PUM1: variants seen among roughly 807,000 people sequenced by gnomAD.
The protein encoded by PUM1 is pumilio homolog 1.
A neutral mutation model predicts 131.8 loss-of-function variants in PUM1; 13 were observed. The observed-to-expected ratio is 0.10, with a 90% confidence interval of 0.06 to 0.16. The LOEUF (loss-of-function observed/expected upper bound fraction) is 0.16, where lower values mean the gene tolerates loss of function less well. Among genes scored for constraint, PUM1 ranks in the 10% least tolerant of loss-of-function variants. The probability of loss-of-function intolerance (pLI) is 1.00; values close to 1 mark genes in which losing one functional copy is unlikely to be tolerated. For missense variants in PUM1, 961 were observed against 1,512.4 expected (o/e 0.64, Z 6.05); for synonymous variants, 509 against 556.5 (o/e 0.91, Z 1.20).
intron 1 of PUM1, among the ~76,000 whole-genome samples, chr1:31,064,977 A>C (rs1644452276): frequency 1.3e-5 from 2 of 152,174 alleles, no homozygotes; most frequent in Non-Finnish European, 1.5e-5. Flanking sequence ...AGGCTCAAAA[A>C]GGAAGAACCC....
chr1:30,955,002 G>A (rs971766209), intron 14 of PUM1, among the ~76,000 whole-genome samples: 4 of 151,706 alleles, frequency 2.6e-5, no homozygotes, highest in East Asian at 1.9e-4. Flanking sequence ...CCAGTAGGTC[G>A]AGGCTGCAGT....
chr1:31,052,309 G>A (rs763025818), intron 2 of PUM1, among the ~76,000 whole-genome samples: 6 of 152,152 alleles, frequency 3.9e-5, no homozygotes, highest in Non-Finnish European at 7.3e-5. Context: ...ACCGTGCCCA[G>A]CCCAAAATGA....
At chr1:31,039,140 G>A (rs761423216) in intron 2 of PUM1, among the ~76,000 whole-genome samples, 67 of 148,754 alleles carry the variant, frequency 4.5e-4, no homozygotes, top group Admixed American at 8.0e-4. Context: ...GGGACTACAC[G>A]TGTATGTCAC....
chr1:31,041,415 G>A (rs935008625), intron 2 of PUM1, among the ~76,000 whole-genome samples: 2 of 151,806 alleles, frequency 1.3e-5, no homozygotes, highest in East Asian at 1.9e-4. Flanking sequence ...GCTATCCTCT[G>A]GGGGGCGGGG....
intron 17 of PUM1, 56 bp downstream of exon 17, chr1:30,950,071 A>T (rs1570109554): frequency 1.3e-6 from 2 of 1,572,668 alleles, no homozygotes; most frequent in East Asian, 4.5e-5. Flanking sequence ...AGGGTTCACT[A>T]CATGTACCAT....
At chr1:30,946,694 CAATA>C (rs1028806012) in intron 17 of PUM1, among the ~76,000 whole-genome samples, 5 of 144,496 alleles carry the variant, frequency 3.5e-5, no homozygotes, top group Admixed American at 6.9e-5. Flanking sequence ...ATAATAAAAA[CAATA>C]AAAAAGATTC....
intron 5 of PUM1, among the ~76,000 whole-genome samples, chr1:31,005,240 G>A (rs1189978490): frequency 6.6e-6 from 1 of 152,174 alleles, no homozygotes; most frequent in East Asian, 1.9e-4. Flanking sequence ...AGACTTATTT[G>A]ACTTCAGTTT....
chr1:30,943,086 A>G lies in PUM1; in HGVS notation c.2995-963T>C, dbSNP rs114562458. On this transcript the variant is annotated intron_variant, in intron 18 of 21. Transcript: ENST00000426105. ...TGTGACTTTATACATGTAGCTTTAT[A>G]TTTACAATCGTAAAGATAAATAGTA... Among the ~76,000 whole-genome samples, 775 of 152,074 alleles carry G rather than the reference A, an allele frequency of 5.1e-3. 5 individuals carry two copies. The highest frequency in any genetic ancestry group is 0.033 in the East Asian group (168 of 5,150).
intron 7 of PUM1, among the ~76,000 whole-genome samples, chr1:30,990,134 A>T (rs556442384): frequency 6.6e-6 from 1 of 152,356 alleles, no homozygotes; most frequent in African/African-American, 2.4e-5. Context: ...GCTAGTTTCA[A>T]ATTTTAATTT....
chr1:30,962,056 C>T (rs559808265), intron 14 of PUM1, among the ~76,000 whole-genome samples: 3 of 152,274 alleles, frequency 2.0e-5, no homozygotes, highest in East Asian at 3.9e-4. Flanking sequence ...CTCGAGGAAA[C>T]AGACTGAGCT....
rs377305082 is a variant in PUM1, at chr1:30,964,741, T to C, written c.2256A>G (p.Gly752=). ...GPVGMPLPSQ[G]PGHSQTPPPS... ...GAGGTGGTGTCTGTGAATGTCCTGG[T>C]CCCTGACTAGGGAGAGGCATGCCCA... Residue 752 remains glycine (G), a synonymous_variant, in exon 14 of 22, where the codon GGA becomes GGG. Transcript: ENST00000426105. 6.2e-7 allele frequency: 1 copy of C among 1,613,984 alleles called. No homozygotes were observed. The highest frequency in any genetic ancestry group is 1.3e-5 in the African/African-American group (1 of 74,972).
chr1:31,023,430 G>C (rs1305567560), intron 3 of PUM1, among the ~76,000 whole-genome samples: 1 of 152,114 alleles, frequency 6.6e-6, no homozygotes, highest in Non-Finnish European at 1.5e-5. Flanking sequence ...GTGGATTCTA[G>C]AAGTACTTTT....
At chr1:30,989,821 C>A (rs1269067387) in intron 7 of PUM1, among the ~76,000 whole-genome samples, 3 of 152,058 alleles carry the variant, frequency 2.0e-5, no homozygotes, top group Non-Finnish European at 4.4e-5. Context: ...TGGTTGGCTA[C>A]AAAGAACAAA....
chr1:30,932,168 C>T lies in PUM1; in HGVS notation c.*1043G>A, dbSNP rs1638993061. 1 of 152,584 alleles carries T rather than the reference C, an allele frequency of 6.6e-6. No individual in the cohort carries two copies. Among genetic ancestry groups the T allele is most frequent in the African/African-American group, 2.4e-5 (1 of 41,432 alleles). The allele number at this position is 152,584 out of a possible 1,614,324, so 9.5% of individuals were successfully genotyped here. On this transcript the variant is annotated 3_prime_UTR_variant, in exon 22 of 22. Coordinates refer to ENST00000426105, the MANE Select transcript of PUM1 (RefSeq NM_001020658.2). ...ATATACACTGAATGCACAGGGCTGG[C>T]TAATTCTCTTTTCTTACCAAAAAAC...
chr1:31,054,535 T>TAAAA (rs555867693), intron 2 of PUM1, among the ~76,000 whole-genome samples: 3 of 83,386 alleles, frequency 3.6e-5, no homozygotes, highest in Non-Finnish European at 5.2e-5. Flanking sequence ...AAAGGGCCAC[T>TAAAA]AAAAAAAAAA....
rs1339970354 is a variant in PUM1 at position 30,931,888 on chromosome 1, CTG to C, written c.*1321_*1322del. ...GCTAGACTTTTGCACGTCCTTTTGACTGTCACAAAATCAAAACATTACTTTTT... is the reference window on the plus strand; with the variant it reads ...GCTAGACTTTTGCACGTCCTTTTGACTCACAAAATCAAAACATTACTTTTT... On this transcript the variant is annotated 3_prime_UTR_variant, in exon 22 of 22. Coordinates refer to ENST00000426105, the MANE Select transcript of PUM1 (RefSeq NM_001020658.2). The C allele has an allele frequency of 6.6e-6, 1 of 152,552 alleles. No homozygotes were observed. The highest frequency in any genetic ancestry group is 2.4e-5 in the African/African-American group (1 of 41,430). 9.4% of individuals were successfully genotyped at this position (152,552 alleles called of 1,614,324 possible). A position where few individuals can be genotyped will look rare whatever the true frequency, so the allele number is the denominator to read the frequency against.
rs374458597 is a variant in PUM1, at chr1:31,059,268, C to A, written c.299G>T (p.Gly100Val). 8 of 1,613,606 alleles carry A rather than the reference C, an allele frequency of 5.0e-6. No individual in the cohort carries two copies. In the African/African-American group the frequency reaches 1.1e-4, roughly 22 times the overall value. The change falls in exon 2 of 22, where the codon GGA becomes GTA. Residue 100 changes from glycine to valine, a missense_variant. Gly to Val is a moderately radical substitution (Grantham distance 109, BLOSUM62 -3). This residue lies in a region of PUM1 where 654 missense variants were observed against 923.9 expected (regional missense o/e 0.71). Transcript: ENST00000426105. The part of the protein sequence containing the change: ...GEQLGGGGSG[G>V]GGYNNSKHRW... ...ATGTTTGCTATTATTATAGCCGCCT[C>A]CTCCACTTCCTCCTCCCCCAAGCTG... is the stretch of plus-strand genomic sequence containing the variant.
chr1:31,036,838 G>A (rs1485438171), intron 2 of PUM1: 1 of 153,530 alleles, frequency 6.5e-6, no homozygotes, highest in South Asian at 2.1e-4. Context: ...AATGTGGGTG[G>A]TTCAGCACAA....
chr1:30,969,638 CTTT>C (rs912580901), intron 10 of PUM1, among the ~76,000 whole-genome samples: 6 of 146,452 alleles, frequency 4.1e-5, no homozygotes, highest in African/African-American at 1.0e-4. Context: ...AAAGGATCTA[CTTT>C]TTTTTTTTTG....
Sources: allele counts gnomAD v4.1 joint callset (sites outside exome capture counted in the v4.1 genomes callset), GRCh38; gene constraint gnomAD v4.1.1; regional missense constraint gnomAD v4.1.1; transcripts MANE v1.5; gene names NCBI Gene and HGNC (gene_info 2026-07-23, HGNC 2026-07-21).